DPP10: variants seen among roughly 807,000 people sequenced by gnomAD.
DPP10 encodes dipeptidyl peptidase like 10, also known as inactive dipeptidyl peptidase 10.
A neutral mutation model predicts 120.9 loss-of-function variants in DPP10; 33 were observed. The ratio of observed to expected loss-of-function variants is 0.27; its 90% CI spans 0.21 to 0.37. DPP10 has a LOEUF of 0.37. Among genes scored for constraint, DPP10 ranks in the 10% least tolerant of loss-of-function variants. DPP10 has a pLI of 1.00. For synonymous variants in DPP10, 337 were observed against 326.1 expected (o/e 1.03, Z -0.36); for missense variants, 816 against 942.8 (o/e 0.87, Z 1.76).
At chr2:115,417,272 T>C (rs1391525204) in intron 3 of DPP10, among the ~76,000 whole-genome samples, 1 of 152,126 alleles carries the variant, frequency 6.6e-6, no homozygotes, top group Non-Finnish European at 1.5e-5. Flanking sequence ...AGTCACTGAA[T>C]GGAAACCCCC....
At chr2:115,345,968 A>C (rs2063693267) in intron 3 of DPP10, among the ~76,000 whole-genome samples, 1 of 152,180 alleles carries the variant, frequency 6.6e-6, no homozygotes, top group Non-Finnish European at 1.5e-5. Flanking sequence ...TTTTATAAAG[A>C]ATTTGACATA....
intron 1 of DPP10, among the ~76,000 whole-genome samples, chr2:114,596,165 T>A (rs1483596897): frequency 6.6e-6 from 1 of 151,840 alleles, no homozygotes; most frequent in Non-Finnish European, 1.5e-5. Flanking sequence ...CTTTTTTAGC[T>A]CTTGCTTTCT....
intron 1 of DPP10, among the ~76,000 whole-genome samples, chr2:114,755,455 G>A (rs534628046): frequency 2.6e-4 from 39 of 151,974 alleles, no homozygotes; most frequent in African/African-American, 8.7e-4. Context: ...CACCATATCC[G>A]GCAACTATCA....
intron 1 of DPP10, among the ~76,000 whole-genome samples, chr2:114,699,791 G>C (rs1385374425): frequency 6.6e-6 from 1 of 152,096 alleles, no homozygotes; most frequent in Non-Finnish European, 1.5e-5. Context: ...GAAGAGCAGA[G>C]GAACCAGAAG....
intron 1 of DPP10, among the ~76,000 whole-genome samples, chr2:114,713,144 G>A (rs1450943747): frequency 6.6e-6 from 1 of 151,872 alleles, no homozygotes; most frequent in East Asian, 1.9e-4. Context: ...CCACCACCAC[G>A]CCTGGCTAAT....
At chr2:114,967,962 G>T (rs1168133504) in intron 1 of DPP10, among the ~76,000 whole-genome samples, 1 of 152,050 alleles carries the variant, frequency 6.6e-6, no homozygotes, top group African/African-American at 2.4e-5. Context: ...CTAGGACTGG[G>T]GCTCAGGTGA....
At chr2:115,148,681 A>G (rs1219010926) in intron 1 of DPP10, among the ~76,000 whole-genome samples, 2 of 152,150 alleles carry the variant, frequency 1.3e-5, no homozygotes. Context: ...CAAGAACTCT[A>G]TTAGGCACTG....
chr2:114,686,819 C>T (rs774951423), intron 1 of DPP10, among the ~76,000 whole-genome samples: 52 of 152,020 alleles, frequency 3.4e-4, no homozygotes, highest in Non-Finnish European at 5.3e-4. Flanking sequence ...TTACAAGAGT[C>T]GTTCTATTTA....
chr2:115,053,346 A>G (rs1227799739), intron 1 of DPP10, among the ~76,000 whole-genome samples: 1 of 152,218 alleles, frequency 6.6e-6, no homozygotes, highest in Admixed American at 6.5e-5. Flanking sequence ...AATTATCCTA[A>G]ATGAAAGATG....
At chr2:114,786,863 A>G (rs1255451035) in intron 1 of DPP10, among the ~76,000 whole-genome samples, 3 of 152,192 alleles carry the variant, frequency 2.0e-5, no homozygotes, top group Non-Finnish European at 4.4e-5. Flanking sequence ...GCTCTCCATC[A>G]TTGTATAGCT....
intron 7 of DPP10, among the ~76,000 whole-genome samples, chr2:115,726,793 C>T (rs762789345): frequency 2.6e-5 from 4 of 152,094 alleles, no homozygotes; most frequent in Non-Finnish European, 5.9e-5. Flanking sequence ...CCTAGGGCCT[C>T]GTAAGTATTC....
chr2:114,515,579 CA>C (rs1266062943), intron 1 of DPP10, among the ~76,000 whole-genome samples: 1 of 152,080 alleles, frequency 6.6e-6, no homozygotes. Context: ...CCTAAATAGT[CA>C]AAATAAAAAT....
intron 5 of DPP10, among the ~76,000 whole-genome samples, chr2:115,672,647 TCTC>T (rs2089967550): frequency 1.4e-5 from 2 of 144,772 alleles, no homozygotes; most frequent in African/African-American, 5.2e-5. Flanking sequence ...TTTCTTTCTC[TCTC>T]TCTTTCTTTC....
chr2:115,216,988 G>A (rs905328574), intron 1 of DPP10, among the ~76,000 whole-genome samples: 2 of 151,844 alleles, frequency 1.3e-5, no homozygotes, highest in South Asian at 2.1e-4. Context: ...ATTAATTACA[G>A]CACACACGTC....
intron 11 of DPP10, among the ~76,000 whole-genome samples, chr2:115,756,084 C>T (rs1679367931): frequency 6.6e-6 from 1 of 151,886 alleles, no homozygotes; most frequent in African/African-American, 2.4e-5. Flanking sequence ...CGAGTCAACA[C>T]AAAGATAAAT....
chr2:114,564,538 C>T (rs974764431), intron 1 of DPP10, among the ~76,000 whole-genome samples: 1 of 152,128 alleles, frequency 6.6e-6, no homozygotes, highest in Admixed American at 6.6e-5. Context: ...CGGCAGATCA[C>T]AGGCCTTCAT....
intron 1 of DPP10, among the ~76,000 whole-genome samples, chr2:115,034,458 T>A: frequency 6.6e-6 from 1 of 152,148 alleles, no homozygotes; most frequent in East Asian, 1.9e-4. Context: ...ACAGTGGACA[T>A]CAGCACCTAA....
At chr2:115,393,325 AT>A (rs2067451759) in intron 3 of DPP10, among the ~76,000 whole-genome samples, 1 of 144,106 alleles carries the variant, frequency 6.9e-6, no homozygotes, top group Admixed American at 7.1e-5. Context: ...AAAAAAAAAA[AT>A]CTATATGTGA....
intron 1 of DPP10, among the ~76,000 whole-genome samples, chr2:114,587,923 T>G (rs1250460067): frequency 2.0e-5 from 3 of 152,212 alleles, no homozygotes; most frequent in African/African-American, 7.2e-5. Flanking sequence ...AGAAACATAT[T>G]GATTTATTAC....
Sources: gnomAD v4.1 joint callset for allele counts (sites outside exome capture counted in the v4.1 genomes callset) on GRCh38, gnomAD v4.1.1 for gene constraint, MANE v1.5 for transcripts, NCBI Gene and HGNC (gene_info 2026-07-23, HGNC 2026-07-21) for gene names.